The following NOX4 variants were observed in gnomAD, a reference collection of about 807,000 sequenced individuals.
NOX4 encodes the protein kidney oxidase-1.
In NOX4, 69 loss-of-function variants were observed where a neutral mutation model predicts 87.6. The observed-to-expected ratio is 0.79, with a 90% CI of 0.65 to 0.96. The LOEUF is 0.96. Among genes scored for constraint, NOX4 ranks in the 40% least tolerant of loss-of-function variants. The pLI is 0.00. For missense variants in NOX4, 680 were observed against 681.5 expected, an observed-to-expected ratio of 1.00 and a Z score of 0.02; for synonymous variants, 275 against 238.2, an observed-to-expected ratio of 1.15 and a Z score of -1.42.
the NOX4 span, among the ~76,000 whole-genome samples, chr11:89,518,572 G>A: frequency 1.3e-5 from 2 of 151,994 alleles, no homozygotes; most frequent in East Asian, 3.9e-4. Context: ...ATTTGGTCTG[G>A]GTGAACTCTA....
In NOX4 at chr11:89,397,831, C is replaced by G. The variant is rs1408453229; in HGVS notation, c.1074+2186G>C. On this transcript the variant is annotated intron_variant, in intron 11 of 17. Transcript: ENST00000263317. ...AATTGAGGCAGTAATTAACAGCTTCCCAACCAAAAAAAAGTCTAGGATCAG... is the reference window on the plus strand; with the variant it reads ...AATTGAGGCAGTAATTAACAGCTTCGCAACCAAAAAAAAGTCTAGGATCAG... Among the ~76,000 whole-genome samples the G allele has an allele frequency of 2.0e-5, 3 of 151,700 alleles. No individual in the cohort carries two copies. The South Asian group carries it at 6.3e-4, about 32-fold the overall frequency.
intron 4 of NOX4, among the ~76,000 whole-genome samples, chr11:89,448,744 A>T (rs1944820442): frequency 6.6e-6 from 1 of 151,978 alleles, no homozygotes; most frequent in Non-Finnish European, 1.5e-5. Context: ...CTAGCCAGGC[A>T]TGGTGGCACA....
intron 12 of NOX4, among the ~76,000 whole-genome samples, chr11:89,368,000 C>T (rs1331096306): frequency 6.6e-6 from 1 of 151,992 alleles, no homozygotes; most frequent in African/African-American, 2.4e-5. Flanking sequence ...AGTTTTCTTC[C>T]CAGAAACTTG....
At chr11:89,351,530 A>T (rs1946455413) in intron 13 of NOX4, among the ~76,000 whole-genome samples, 1 of 152,326 alleles carries the variant, frequency 6.6e-6, no homozygotes, top group South Asian at 2.1e-4. Context: ...AAGAGCAGTC[A>T]ATGCCTGTCT....
At chr11:89,483,577 T>G (rs1946477021) in intron 2 of NOX4, among the ~76,000 whole-genome samples, 1 of 142,204 alleles carries the variant, frequency 7.0e-6, no homozygotes, top group Non-Finnish European at 1.5e-5. Flanking sequence ...AAGTAGAGAG[T>G]AGAATGGTAG....
intron 11 of NOX4, among the ~76,000 whole-genome samples, chr11:89,384,840 G>C (rs2097093): frequency 6.6e-6 from 1 of 151,890 alleles, no homozygotes; most frequent in African/African-American, 2.4e-5. Context: ...GCTGGCCCCC[G>C]CATTATTTCA....
At chr11:89,545,968 T>G in the NOX4 span, among the ~76,000 whole-genome samples, 1 of 152,214 alleles carries the variant, frequency 6.6e-6, no homozygotes, top group Non-Finnish European at 1.5e-5. Flanking sequence ...GTACGCCTAT[T>G]ACTTCATTTT....
At chr11:89,407,061 T>C (rs1942226832) in intron 8 of NOX4, among the ~76,000 whole-genome samples, 1 of 152,086 alleles carries the variant, frequency 6.6e-6, no homozygotes, top group Non-Finnish European at 1.5e-5. Context: ...CATTTATCCC[T>C]TATACATTCA....
At chr11:89,479,169 T>C (rs1266081350) in intron 2 of NOX4, among the ~76,000 whole-genome samples, 2 of 152,306 alleles carry the variant, frequency 1.3e-5, no homozygotes, top group East Asian at 1.9e-4. Context: ...TATGCTTCCA[T>C]ATAAGGTAGA....
chr11:89,395,657 ATACATCTTGAATTAATTTT>A (rs1191761592), intron 11 of NOX4, among the ~76,000 whole-genome samples: 2 of 152,158 alleles, frequency 1.3e-5, no homozygotes, highest in African/African-American at 4.8e-5. Flanking sequence ...TAAGTCTTCA[ATACATCTTGAATTAATTTT>A]TGTATAAGGT....
At chr11:89,508,039 A>G in the NOX4 span, among the ~76,000 whole-genome samples, 1 of 152,090 alleles carries the variant, frequency 6.6e-6, no homozygotes, top group Non-Finnish European at 1.5e-5. Flanking sequence ...TTCATTGGTA[A>G]TATATACAAC....
At chr11:89,578,296 G>C in the NOX4 span, among the ~76,000 whole-genome samples, 1 of 151,918 alleles carries the variant, frequency 6.6e-6, no homozygotes, top group Non-Finnish European at 1.5e-5. Context: ...TGAGTAGCCG[G>C]GACTACAGGT....
intron 2 of NOX4, among the ~76,000 whole-genome samples, chr11:89,464,226 C>A (rs573326877): frequency 6.6e-6 from 1 of 151,818 alleles, no homozygotes; most frequent in Non-Finnish European, 1.5e-5. Context: ...TTTAAGTGTC[C>A]CCTTGGGATA....
At chr11:89,356,768 C>T (rs1382112529) in intron 12 of NOX4, among the ~76,000 whole-genome samples, 1 of 152,054 alleles carries the variant, frequency 6.6e-6, no homozygotes, top group Non-Finnish European at 1.5e-5. Flanking sequence ...AGATACAGAA[C>T]ATTATCTGAT....
At chr11:89,412,404 A>T (rs1038698639) in intron 8 of NOX4, among the ~76,000 whole-genome samples, 23 of 152,178 alleles carry the variant, frequency 1.5e-4, no homozygotes, top group Non-Finnish European at 4.4e-5. Context: ...CTCAAGGATC[A>T]TATGTTAGGT....
At chr11:89,561,000 A>ATATATATATATATATATATATATATAT in the NOX4 span, among the ~76,000 whole-genome samples, 1 of 71,074 alleles carries the variant, frequency 1.4e-5, no homozygotes, top group African/African-American at 7.5e-5. Flanking sequence ...CTCTCTCTAT[A>ATATATATATATATATATATATATATAT]TATATATATA....
intron 2 of NOX4, among the ~76,000 whole-genome samples, chr11:89,482,823 A>G (rs1209920352): frequency 2.0e-5 from 3 of 152,138 alleles, no homozygotes; most frequent in Non-Finnish European, 4.4e-5. Flanking sequence ...CACAAACAGT[A>G]TATTCAGCAC....
At chr11:89,586,763 G>T in the NOX4 span, among the ~76,000 whole-genome samples, 1 of 152,210 alleles carries the variant, frequency 6.6e-6, no homozygotes, top group Non-Finnish European at 1.5e-5. Context: ...CTTCACCTGG[G>T]TCTTAAAGAG....
intron 13 of NOX4, among the ~76,000 whole-genome samples, chr11:89,346,590 T>A (rs1946226308): frequency 1.9e-5 from 1 of 52,816 alleles, no homozygotes; most frequent in Non-Finnish European, 3.2e-5. Context: ...AGATGGAGAA[T>A]TACCTGTGCT....
Sources: allele counts gnomAD v4.1 joint callset (sites outside exome capture counted in the v4.1 genomes callset), GRCh38; gene constraint gnomAD v4.1.1; transcripts MANE v1.5; gene names NCBI Gene and HGNC (gene_info 2026-07-23, HGNC 2026-07-21).